The following CDYL variants were observed in gnomAD, a reference collection of about 807,000 sequenced individuals.
CDYL encodes chromodomain Y like, also known as chromodomain Y-like protein.
In CDYL, 8 loss-of-function variants were observed where a neutral mutation model predicts 47.3. That is an observed-to-expected ratio of 0.17 (90% CI 0.10 to 0.31). CDYL has a LOEUF of 0.31. CDYL is among the 10% of genes least tolerant of loss of function. The pLI is 1.00. For missense variants in CDYL, 471 were observed against 701.4 expected (o/e 0.67, Z 3.71); for synonymous variants, 266 against 265.0 (o/e 1.00, Z -0.04).
In CDYL at chr6:4,783,417, CT is replaced by C. The variant is rs1554097730; in HGVS notation, c.24+6626del. On this transcript the variant is annotated intron_variant, in intron 1 of 6. Transcript: ENST00000397588. Reference sequence around the variant, plus strand: ...CCTTGCCTTTGCACTATTCTTGAGACTTTTTTTTTTTTTTTTGAGGTGGCGT... The same window carrying C: ...CCTTGCCTTTGCACTATTCTTGAGACTTTTTTTTTTTTTTTGAGGTGGCGT... Among the ~76,000 whole-genome samples the C allele has an allele frequency of 2.8e-3, 380 of 137,332 alleles. 1 individual carries two copies. Among genetic ancestry groups the C allele is most frequent in the Middle Eastern group, 0.011 (3 of 276 alleles). 90.1% of individuals were successfully genotyped at this position (137,332 alleles called of 152,430 possible).
intron 1 of CDYL, among the ~76,000 whole-genome samples, chr6:4,812,118 A>G (rs1759546144): frequency 6.6e-6 from 1 of 152,212 alleles, no homozygotes; most frequent in Non-Finnish European, 1.5e-5. Context: ...ATGGTTTTGT[A>G]TACATGTTTT....
At chr6:4,946,833 T>C (rs1758535739) in intron 5 of CDYL, among the ~76,000 whole-genome samples, 1 of 152,098 alleles carries the variant, frequency 6.6e-6, no homozygotes, top group South Asian at 2.1e-4. Flanking sequence ...CCCTCCTCCC[T>C]CTGGCACTGA....
At chr6:4,765,903 TAAAAC>T (rs892516781) in intron 3 of CDYL, among the ~76,000 whole-genome samples, 4 of 151,688 alleles carry the variant, frequency 2.6e-5, no homozygotes, top group Admixed American at 1.3e-4. Flanking sequence ...GAATAACAAA[TAAAAC>T]AAAGGAAATA....
intron 1 of CDYL, among the ~76,000 whole-genome samples, chr6:4,855,934 CT>C (rs1760994293): frequency 6.6e-6 from 1 of 152,216 alleles, no homozygotes; most frequent in East Asian, 1.9e-4. Context: ...AGTTCTTATG[CT>C]CATTGTCCAT....
At chr6:4,905,314 C>T (rs1396431038) in intron 2 of CDYL, among the ~76,000 whole-genome samples, 3 of 152,260 alleles carry the variant, frequency 2.0e-5, no homozygotes, top group Non-Finnish European at 2.9e-5. Flanking sequence ...TTTGACACTC[C>T]GTCAACCAAC....
chr6:4,725,759 C>T (rs933298169), intron 2 of CDYL, among the ~76,000 whole-genome samples: 20 of 152,250 alleles, frequency 1.3e-4, no homozygotes, highest in African/African-American at 3.9e-4. Context: ...TCCCACAGTG[C>T]AGCGGCGGGC....
chr6:4,788,356 G>A (rs960409913), intron 1 of CDYL, among the ~76,000 whole-genome samples: 1 of 151,650 alleles, frequency 6.6e-6, no homozygotes, highest in Non-Finnish European at 1.5e-5. Context: ...GTGTGGTGGT[G>A]CCTGTAGTCA....
intron 2 of CDYL, among the ~76,000 whole-genome samples, chr6:4,728,640 AG>A (rs1173206685): frequency 6.6e-6 from 1 of 152,190 alleles, no homozygotes; most frequent in Admixed American, 6.5e-5. Flanking sequence ...TTAAAGGGAA[AG>A]GAAGTCCATT....
At chr6:4,803,735 T>A (rs1418191513) in intron 1 of CDYL, among the ~76,000 whole-genome samples, 1 of 103,800 alleles carries the variant, frequency 9.6e-6, no homozygotes, top group East Asian at 2.5e-4. Flanking sequence ...CTTTCCTGAT[T>A]TTTTTTTTTT....
intron 1 of CDYL, chr6:4,836,270 A>G: frequency 8.1e-6 from 8 of 985,486 alleles, no homozygotes; most frequent in Non-Finnish European, 9.6e-6. Context: ...TGCTACCCAA[A>G]ACTACATAAA....
At chr6:4,904,640 T>A (rs1334752230) in intron 2 of CDYL, among the ~76,000 whole-genome samples, 1 of 152,232 alleles carries the variant, frequency 6.6e-6, no homozygotes, top group Admixed American at 6.5e-5. Context: ...AAGAACTTTT[T>A]TTAATGGGAA....
intron 1 of CDYL, among the ~76,000 whole-genome samples, chr6:4,818,745 G>A (rs1338114573): frequency 6.6e-6 from 1 of 152,170 alleles, no homozygotes; most frequent in Middle Eastern, 3.2e-3. Context: ...GATGCTAAAT[G>A]GGTAAGGTGT....
chr6:4,900,767 C>T, intron 2 of CDYL, among the ~76,000 whole-genome samples: 2 of 59,556 alleles, frequency 3.4e-5, no homozygotes, highest in Non-Finnish European at 6.3e-5. Context: ...TCTGTTAATT[C>T]CGTATACGTG....
At chr6:4,952,576 C>T (rs759202281) in intron 6 of CDYL, among the ~76,000 whole-genome samples, 167 bp downstream of exon 6, 9 of 152,312 alleles carry the variant, frequency 5.9e-5, no homozygotes, top group African/African-American at 1.9e-4. Flanking sequence ...CCCCCACGCA[C>T]GCCTTGCCTT....
chr6:4,786,382 C>T (rs552326638), intron 1 of CDYL, among the ~76,000 whole-genome samples: 10 of 150,104 alleles, frequency 6.7e-5, no homozygotes, highest in African/African-American at 2.3e-4. Context: ...TGCCCTTGGT[C>T]TCTTGCTGTG....
intron 6 of CDYL, among the ~76,000 whole-genome samples, chr6:4,952,789 A>T (rs951354002): frequency 6.6e-6 from 1 of 152,020 alleles, no homozygotes; most frequent in African/African-American, 2.4e-5. Context: ...TGTTTGTGAG[A>T]TGGAGTCTCA....
intron 1 of CDYL, among the ~76,000 whole-genome samples, chr6:4,835,606 G>C (rs539833435): frequency 5.9e-5 from 9 of 152,322 alleles, no homozygotes; most frequent in African/African-American, 1.7e-4. Flanking sequence ...CTTCAAAGCT[G>C]TCAGACAGGG....
chr6:4,851,490 G>T (rs914906318), intron 1 of CDYL, among the ~76,000 whole-genome samples: 1 of 152,134 alleles, frequency 6.6e-6, no homozygotes, highest in South Asian at 2.1e-4. Flanking sequence ...CGACATCTGG[G>T]ACAGCTCCTC....
At chr6:4,758,780 T>G (rs1237200144) in intron 3 of CDYL, among the ~76,000 whole-genome samples, 1 of 152,096 alleles carries the variant, frequency 6.6e-6, no homozygotes, top group Non-Finnish European at 1.5e-5. Flanking sequence ...CTACATATTT[T>G]TCGATGTATA....
Sources: gnomAD v4.1 joint callset for allele counts (sites outside exome capture counted in the v4.1 genomes callset) on GRCh38, gnomAD v4.1.1 for gene constraint, MANE v1.5 for transcripts, NCBI Gene and HGNC (gene_info 2026-07-23, HGNC 2026-07-21) for gene names.